Variants in ZSCAN10 observed in about 807,000 individuals in gnomAD.
ZSCAN10 encodes zinc finger and SCAN domain containing 10.
In ZSCAN10, 52 loss-of-function variants were observed where a neutral mutation model predicts 63.7. The observed-to-expected ratio is 0.82, with a 90% confidence interval of 0.65 to 1.03. The LOEUF is 1.03. Ranked by LOEUF, ZSCAN10 falls within the 50% of genes least tolerant of loss-of-function variation. The probability of loss-of-function intolerance (pLI) is 0.00; values close to 1 mark genes in which losing one functional copy is unlikely to be tolerated. For synonymous variants in ZSCAN10, 544 were observed against 479.6 expected, an observed-to-expected ratio of 1.13 and a Z score of -1.76; for missense variants, 1,223 against 1,103.8, an observed-to-expected ratio of 1.11 and a Z score of -1.53.
In ZSCAN10 at chr16:3,092,608, C is replaced by T. The variant is rs1762682894; in HGVS notation, c.330G>A (p.Arg110=). 2 of 1,602,460 alleles carry T rather than the reference C, an allele frequency of 1.2e-6. No individual in the cohort carries two copies. The highest frequency in any genetic ancestry group is 1.7e-6 in the Non-Finnish European group (2 of 1,175,150). ...GCAGCAGCACCACCTCCTCCCCATC[C>T]CTGAGCGGCTGCCCCTGCAGGCGGC... ...LLGRLQGQPL[R]DGEEVVLLLE... The change falls in exon 2 of 6, where the codon AGG becomes AGA. Residue 110 remains arginine, a synonymous_variant. Transcript: ENST00000576985.
At chr16:3,091,665 C>A (rs917857663) in intron 4 of ZSCAN10, 68 bp from the exon 5 acceptor site, 12 of 1,611,112 alleles carry the variant, frequency 7.4e-6, no homozygotes, top group Non-Finnish European at 9.3e-6. Flanking sequence ...GACTGAAATG[C>A]TTCCTAGGAC....
Position 3,092,032 on chromosome 16 carries a change from G to C in ZSCAN10, c.664+17C>G, listed in dbSNP as rs746565574. 17 of 1,550,928 alleles carry C rather than the reference G, an allele frequency of 1.1e-5. No homozygotes were observed. In the South Asian group the frequency reaches 1.4e-4, roughly 12 times the overall value. On this transcript the variant is annotated intron_variant, in intron 3 of 5. Transcript: ENST00000576985. ...GCGACACCCAGTCCTTGGCCTCCTAGGGCACAAGCTCCTCACTGCTTTCTT... is the reference window on the plus strand; with the variant it reads ...GCGACACCCAGTCCTTGGCCTCCTACGGCACAAGCTCCTCACTGCTTTCTT...
Position 3,089,012 on chromosome 16 carries a change from A to G in ZSCAN10, c.*79T>C. 7.1e-7 allele frequency: 1 copy of G among 1,401,782 alleles called. No homozygotes were observed. 86.8% of individuals were successfully genotyped at this position (1,401,782 alleles called of 1,614,324 possible). A position where few individuals can be genotyped will look rare whatever the true frequency, so the allele number is the denominator to read the frequency against. ...GAGAGGGAAGTGGGGTGTGGTGGGA[A>G]GGGACATTCCTGCAGGCCTCCGCTG... On this transcript the variant is annotated 3_prime_UTR_variant, in exon 6 of 6. Transcript: ENST00000576985.
At chr16:3,095,313 C>T (rs1025972355) in intron 1 of ZSCAN10, among the ~76,000 whole-genome samples, 6 of 151,968 alleles carry the variant, frequency 3.9e-5, no homozygotes, top group South Asian at 2.1e-4. Flanking sequence ...GTCAGGAGAT[C>T]GAGACCATCC....
chr16:3,091,479 T>TA, intron 5 of ZSCAN10, 61 bp downstream of exon 5: 1 of 1,579,120 alleles, frequency 6.3e-7, no homozygotes. Context: ...TCCATCTCTT[T>TA]AAAAAAGACA....
chr16:3,092,496 T>A, intron 2 of ZSCAN10, 46 bp downstream of exon 2: 1 of 1,459,126 alleles, frequency 6.9e-7, no homozygotes, highest in Non-Finnish European at 9.0e-7. Flanking sequence ...GGGGATCAAG[T>A]CCCCATCATC....
Position 3,091,746 on chromosome 16 carries a change from G to C in ZSCAN10, c.729+18C>G, listed in dbSNP as rs374916279. On this transcript the variant is annotated intron_variant, in intron 4 of 5. Coordinates refer to ENST00000576985, the MANE Select transcript of ZSCAN10 (RefSeq NM_032805.3). ...GTTCCTGGGGCTTGAGGACACCCTG[G>C]GGTGCGGCCCAGCTCACCAGCACAG... is the stretch of plus-strand genomic sequence containing the variant. 1.9e-6 allele frequency: 3 copies of C among 1,576,946 alleles called. No homozygotes were observed. The African/African-American group carries it at 4.1e-5, about 21-fold the overall frequency.
Position 3,089,875 on chromosome 16 carries a change from C to A in ZSCAN10, c.1559G>T (p.Arg520Met). The change falls in exon 6 of 6, where the codon AGG (arginine) becomes ATG (methionine). Residue 520 changes from arginine to methionine, a missense_variant. By Grantham distance (91) the Arg-to-Met change is moderately conservative. Coordinates refer to ENST00000576985, the MANE Select transcript of ZSCAN10 (RefSeq NM_032805.3). ...SGSRRRDSDR[R>M]PFVCSDCGKA... is the part of the protein sequence containing the mutation. ...GCCGCAGTCGCTGCACACGAAGGGCCTCCGGTCGGAGTCCCGGCGGCGGCT... is the reference window on the plus strand; with the variant it reads ...GCCGCAGTCGCTGCACACGAAGGGCATCCGGTCGGAGTCCCGGCGGCGGCT... 2 of 1,537,486 alleles carry A rather than the reference C, an allele frequency of 1.3e-6. No individual in the cohort carries two copies. Among genetic ancestry groups the A allele is most frequent in the Non-Finnish European group, 1.7e-6 (2 of 1,146,742 alleles).
intron 1 of ZSCAN10, among the ~76,000 whole-genome samples, chr16:3,096,730 C>G (rs767706297): frequency 1.4e-4 from 22 of 152,084 alleles, no homozygotes; most frequent in Non-Finnish European, 2.8e-4. Context: ...GAGTTCGAGA[C>G]CAGCCTGATC....
chr16:3,096,902 C>A (rs934205682), intron 1 of ZSCAN10, among the ~76,000 whole-genome samples: 2 of 148,144 alleles, frequency 1.4e-5, no homozygotes, highest in African/African-American at 5.1e-5. Context: ...GCACTCCAGC[C>A]TGGGCGACAG....
At chr16:3,091,342 C>T (rs1567166204) in intron 5 of ZSCAN10, among the ~76,000 whole-genome samples, 198 bp downstream of exon 5, 1 of 151,892 alleles carries the variant, frequency 6.6e-6, no homozygotes, top group African/African-American at 2.4e-5. Context: ...TCTGGAGCTT[C>T]AGGCAAAGAA....
At chr16:3,098,422 C>G (rs1957183027) in intron 1 of ZSCAN10, among the ~76,000 whole-genome samples, 1 of 152,142 alleles carries the variant, frequency 6.6e-6, no homozygotes, top group Non-Finnish European at 1.5e-5. Flanking sequence ...AGGAACTGAT[C>G]TCCATCCTGC....
chr16:3,097,737 C>G (rs773441564), intron 1 of ZSCAN10, among the ~76,000 whole-genome samples: 1 of 152,102 alleles, frequency 6.6e-6, no homozygotes, highest in Non-Finnish European at 1.5e-5. Context: ...GGAGCTGTGT[C>G]TAGTTCAATG....
rs749054925 is a variant in ZSCAN10 at position 3,089,879 on chromosome 16, G to T, written c.1555C>A (p.Arg519=). The part of the protein sequence containing the change: ...GSGSRRRDSD[R]RPFVCSDCGK... ...CAGTCGCTGCACACGAAGGGCCTCCGGTCGGAGTCCCGGCGGCGGCTGCCG... is the reference window on the plus strand; with the variant it reads ...CAGTCGCTGCACACGAAGGGCCTCCTGTCGGAGTCCCGGCGGCGGCTGCCG... The change falls in exon 6 of 6, where the codon CGG becomes AGG. Residue 519 remains arginine, a synonymous_variant. Transcript: ENST00000576985. 2.0e-6 allele frequency: 3 copies of T among 1,536,794 alleles called. No individual in the cohort carries two copies. Among genetic ancestry groups the T allele is most frequent in the South Asian group, 1.2e-5 (1 of 84,694 alleles).
At chr16:3,096,660 G>C (rs1957155943) in intron 1 of ZSCAN10, among the ~76,000 whole-genome samples, 2 of 152,218 alleles carry the variant, frequency 1.3e-5, no homozygotes. Flanking sequence ...GAGTGCAGTG[G>C]CTCAGGCCTG....
At chr16:3,095,757 G>A (rs886378157) in intron 1 of ZSCAN10, among the ~76,000 whole-genome samples, 13 of 151,508 alleles carry the variant, frequency 8.6e-5, no homozygotes, top group East Asian at 1.9e-4. Context: ...GAAACAGGGA[G>A]GTAGAGCTTG....
chr16:3,098,258 C>G (rs995199661), intron 1 of ZSCAN10, among the ~76,000 whole-genome samples: 1 of 151,964 alleles, frequency 6.6e-6, no homozygotes, highest in South Asian at 2.1e-4. Context: ...CCCAGTCCAG[C>G]CCACGCACGA....
Position 3,090,618 on chromosome 16 carries a change from C to A in ZSCAN10, c.816G>T (p.Glu272Asp). The change falls in exon 6 of 6, where the codon GAG (glutamate) becomes GAT (aspartate). Residue 272 changes from glutamate to aspartate, a missense_variant. By Grantham distance (45) the Glu-to-Asp change is conservative. Coordinates refer to ENST00000576985, the MANE Select transcript of ZSCAN10 (RefSeq NM_032805.3). ...LGFGSRTPDK[E>D]EFKQEEPKGA... ...CTTTGGGCTCTTCTTGTTTAAATTCCTCCTTGTCTGGGGTTCTGCTTCCGA... is the reference window on the plus strand; with the variant it reads ...CTTTGGGCTCTTCTTGTTTAAATTCATCCTTGTCTGGGGTTCTGCTTCCGA... 2 of 1,552,312 alleles carry A rather than the reference C, an allele frequency of 1.3e-6. No individual in the cohort carries two copies. Among genetic ancestry groups the A allele is most frequent in the Admixed American group, 4.1e-5 (2 of 49,270 alleles).
At position 3,092,164 on chromosome 16, in the gene ZSCAN10, T is replaced by A. The variant is rs1307654875; in HGVS notation, c.549A>T (p.Arg183=). ...SVLGPSDEPP[R]PQPRAAQPAE... is the part of the protein sequence containing the mutation. ...CAGGCTGGGCAGCCCTTGGCTGGGG[T>A]CGGGGAGGCTCATCCGATGGGCCCA... The change falls in exon 3 of 6, where the codon CGA becomes CGT. Residue 183 remains arginine, a synonymous_variant. Transcript: ENST00000576985. The A allele has an allele frequency of 7.4e-6, 12 of 1,612,932 alleles. No homozygotes were observed. Among genetic ancestry groups the A allele is most frequent in the Non-Finnish European group, 1.0e-5 (12 of 1,179,860 alleles).
Sources: allele counts gnomAD v4.1 joint callset (sites outside exome capture counted in the v4.1 genomes callset), GRCh38; gene constraint gnomAD v4.1.1; transcripts MANE v1.5; gene names NCBI Gene and HGNC (gene_info 2026-07-23, HGNC 2026-07-21).